GUCY1A2: variants seen among roughly 807,000 people sequenced by gnomAD.
GUCY1A2 encodes guanylate cyclase soluble subunit alpha-2.
A neutral mutation model predicts 63.5 loss-of-function variants in GUCY1A2; 27 were observed. The observed-to-expected ratio is 0.43, with a 90% confidence interval of 0.31 to 0.59. The LOEUF (loss-of-function observed/expected upper bound fraction) is 0.59. Ranked by LOEUF, GUCY1A2 falls within the 20% of genes least tolerant of loss-of-function variation. GUCY1A2 has a pLI of 0.11. For synonymous variants in GUCY1A2, 364 were observed against 343.5 expected (o/e 1.06, Z -0.66); for missense variants, 768 against 913.3 (o/e 0.84, Z 2.05).
Position 106,776,472 on chromosome 11 carries a change from T to G in GUCY1A2, c.1803A>C (p.Glu601Asp). The change falls in exon 6 of 8, where the codon GAA becomes GAC. Residue 601 changes from glutamate to aspartate, a missense_variant. Physicochemically the swap from Glu to Asp is conservative, Grantham distance 45 (BLOSUM62 2). Around this residue, in one of 3 missense-constraint regions of GUCY1A2, gnomAD observed 150 missense variants for 188.3 expected, o/e 0.80. Transcript: ENST00000526355. ...LMALKMMELS[E>D]EVLTPDGRPI... is the part of the protein sequence containing the mutation. ...GTCTTCCATCAGGTGTCAGCACCTC[T>G]TCTGAAAGTTCCATCATCTTCAAGG... 1 of 1,613,922 alleles carries G rather than the reference T, an allele frequency of 6.2e-7. No individual in the cohort carries two copies. Among genetic ancestry groups the G allele is most frequent in the Non-Finnish European group, 8.5e-7 (1 of 1,179,818 alleles).
At chr11:106,866,595 C>T (rs1005659220) in intron 4 of GUCY1A2, among the ~76,000 whole-genome samples, 1 of 152,034 alleles carries the variant, frequency 6.6e-6, no homozygotes, top group Admixed American at 6.6e-5. Flanking sequence ...GTTCAGTTAG[C>T]ATTTTTGTAC....
intron 4 of GUCY1A2, among the ~76,000 whole-genome samples, chr11:106,843,218 T>A (rs560495249): frequency 6.6e-6 from 1 of 151,852 alleles, no homozygotes; most frequent in South Asian, 2.1e-4. Flanking sequence ...AGATACAATA[T>A]CTGAATATTT....
At chr11:106,704,508 G>GT (rs1862873308) in intron 7 of GUCY1A2, among the ~76,000 whole-genome samples, 1 of 152,162 alleles carries the variant, frequency 6.6e-6, no homozygotes, top group African/African-American at 2.4e-5. Context: ...CTCATACAAT[G>GT]AGCTGTTCAG....
rs1591340773 is a variant in GUCY1A2, at chr11:106,952,300, T to C, written c.488-12122A>G. Among the ~76,000 whole-genome samples, 4 of 152,210 alleles carry C rather than the reference T, an allele frequency of 2.6e-5. No homozygotes were observed. In the South Asian group the frequency reaches 6.2e-4, roughly 24 times the overall value. ...AATGTCAATGGTAGTTTGATGTGAA[T>C]AGCATTGAATCTGTAAATTACTTTG... is the stretch of plus-strand genomic sequence containing the variant. On this transcript the variant is annotated intron_variant, in intron 3 of 7. Coordinates refer to ENST00000526355, the MANE Select transcript of GUCY1A2 (RefSeq NM_000855.3).
At chr11:106,995,868 G>A (rs1237715566) in intron 1 of GUCY1A2, among the ~76,000 whole-genome samples, 3 of 152,182 alleles carry the variant, frequency 2.0e-5, no homozygotes, top group African/African-American at 7.2e-5. Context: ...TGGATCTCAT[G>A]AGAAAATCAT....
At chr11:106,878,561 G>A (rs1017942514) in intron 4 of GUCY1A2, among the ~76,000 whole-genome samples, 1 of 151,972 alleles carries the variant, frequency 6.6e-6, no homozygotes, top group African/African-American at 2.4e-5. Context: ...TCACTTTTAA[G>A]TGGGAGCCAA....
At chr11:106,822,991 T>C (rs1858922735) in intron 4 of GUCY1A2, among the ~76,000 whole-genome samples, 1 of 152,130 alleles carries the variant, frequency 6.6e-6, no homozygotes, top group Non-Finnish European at 1.5e-5. Context: ...GTGCCAGGGT[T>C]TGGACTGCTA....
At chr11:106,759,676 G>A (rs1030818267) in intron 6 of GUCY1A2, among the ~76,000 whole-genome samples, 12 of 152,254 alleles carry the variant, frequency 7.9e-5, no homozygotes, top group Admixed American at 5.9e-4. Flanking sequence ...GCTCATGCCT[G>A]TAATCCCAGC....
chr11:106,867,798 A>G (rs1371503191), intron 4 of GUCY1A2, among the ~76,000 whole-genome samples: 1 of 152,074 alleles, frequency 6.6e-6, no homozygotes, highest in East Asian at 1.9e-4. Flanking sequence ...AATATTTAGG[A>G]CACAAAAGAA....
chr11:106,931,489 C>A (rs1032997978), intron 4 of GUCY1A2, among the ~76,000 whole-genome samples: 6 of 152,252 alleles, frequency 3.9e-5, no homozygotes, highest in Admixed American at 3.3e-4. Flanking sequence ...GCAACAACTG[C>A]AAATCAGTTC....
chr11:107,008,290 A>AG (rs1402889486), intron 1 of GUCY1A2, among the ~76,000 whole-genome samples: 1 of 126,196 alleles, frequency 7.9e-6, no homozygotes, highest in East Asian at 2.1e-4. Flanking sequence ...AAAAAAAAAA[A>AG]AAAAAAAAAG....
chr11:106,923,742 T>A (rs1215567702), intron 4 of GUCY1A2, among the ~76,000 whole-genome samples: 1 of 152,074 alleles, frequency 6.6e-6, no homozygotes, highest in Non-Finnish European at 1.5e-5. Flanking sequence ...CACTATAAAT[T>A]TATTCTGGAT....
chr11:106,866,432 T>C (rs1055873586), intron 4 of GUCY1A2, among the ~76,000 whole-genome samples: 1 of 152,074 alleles, frequency 6.6e-6, no homozygotes, highest in Non-Finnish European at 1.5e-5. Context: ...ACGTCGCTGC[T>C]GCTATTCAAC....
At chr11:106,968,358 T>A (rs1366385166) in intron 3 of GUCY1A2, among the ~76,000 whole-genome samples, 1 of 152,206 alleles carries the variant, frequency 6.6e-6, no homozygotes, top group Non-Finnish European at 1.5e-5. Context: ...TTTTTGGGAT[T>A]AGGATTCAAA....
chr11:106,852,319 G>C (rs1859367070), intron 4 of GUCY1A2, among the ~76,000 whole-genome samples: 1 of 151,888 alleles, frequency 6.6e-6, no homozygotes, highest in Non-Finnish European at 1.5e-5. Context: ...TCTCTTTCCT[G>C]ATTTCTGACT....
At chr11:106,710,590 T>C (rs1001299054) in intron 6 of GUCY1A2, among the ~76,000 whole-genome samples, 1 of 151,120 alleles carries the variant, frequency 6.6e-6, no homozygotes, top group Non-Finnish European at 1.5e-5. Flanking sequence ...TCAATAGGCA[T>C]TGATTAAAAA....
intron 3 of GUCY1A2, among the ~76,000 whole-genome samples, chr11:106,948,315 C>T (rs911841591): frequency 2.0e-5 from 3 of 151,958 alleles, no homozygotes; most frequent in Non-Finnish European, 2.9e-5. Flanking sequence ...TAGAATCTAG[C>T]GATTTATAAA....
chr11:106,697,577 A>G (rs986366610), intron 7 of GUCY1A2, among the ~76,000 whole-genome samples: 1 of 152,226 alleles, frequency 6.6e-6, no homozygotes, highest in Non-Finnish European at 1.5e-5. Flanking sequence ...CCATATACGA[A>G]CAAACAATAT....
At chr11:106,927,452 G>T (rs1860541832) in intron 4 of GUCY1A2, among the ~76,000 whole-genome samples, 1 of 152,070 alleles carries the variant, frequency 6.6e-6, no homozygotes, top group African/African-American at 2.4e-5. Flanking sequence ...TCTATAAACT[G>T]GGGGGATAAG....
Sources: gnomAD v4.1 joint callset for allele counts (sites outside exome capture counted in the v4.1 genomes callset) on GRCh38, gnomAD v4.1.1 for gene constraint, gnomAD v4.1.1 regional missense constraint, MANE v1.5 for transcripts, NCBI Gene and HGNC (gene_info 2026-07-23, HGNC 2026-07-21) for gene names.